Variants in USP49 observed in about 807,000 individuals in gnomAD.
USP49 encodes ubiquitin carboxyl-terminal hydrolase 49.
A neutral mutation model predicts 58.6 loss-of-function variants in USP49; 24 were observed. The observed-to-expected ratio is 0.41, with a 90% CI of 0.30 to 0.58. The LOEUF (loss-of-function observed/expected upper bound fraction) is 0.58. USP49 is among the 20% of genes least tolerant of loss of function. The pLI, the probability that USP49 is intolerant of heterozygous loss-of-function variation, is 0.30. For missense variants in USP49, 703 were observed against 866.1 expected (o/e 0.81, Z 2.36); for synonymous variants, 408 against 365.1 (o/e 1.12, Z -1.34).
At chr6:41,865,012 TC>T (rs1774285425) in intron 3 of USP49, among the ~76,000 whole-genome samples, 1 of 152,126 alleles carries the variant, frequency 6.6e-6, no homozygotes, top group Non-Finnish European at 1.5e-5. Context: ...AAATTTAACA[TC>T]CTTTGGTATC....
chr6:41,861,919 T>G (rs1774230555), intron 3 of USP49, among the ~76,000 whole-genome samples: 1 of 152,242 alleles, frequency 6.6e-6, no homozygotes, highest in African/African-American at 2.4e-5. Flanking sequence ...CAGACTGGTC[T>G]CGAACTCCTG....
At chr6:41,834,204 A>C (rs1246465892) in intron 3 of USP49, among the ~76,000 whole-genome samples, 1 of 152,198 alleles carries the variant, frequency 6.6e-6, no homozygotes. Context: ...GTTAATAACT[A>C]CCAATTCCAT....
intron 3 of USP49, among the ~76,000 whole-genome samples, chr6:41,847,477 A>G (rs970668641): frequency 4.9e-4 from 75 of 152,136 alleles, no homozygotes; most frequent in Non-Finnish European, 1.3e-4. Flanking sequence ...GCACTTTAGG[A>G]GGCCGAGGCA....
chr6:41,844,008 C>A (rs1054044663), intron 3 of USP49, among the ~76,000 whole-genome samples: 1 of 152,220 alleles, frequency 6.6e-6, no homozygotes, highest in South Asian at 2.1e-4. Context: ...TGCACCATTG[C>A]CCTCCAGCCT....
intron 3 of USP49, among the ~76,000 whole-genome samples, chr6:41,866,800 G>A (rs1349365928): frequency 6.6e-6 from 1 of 152,176 alleles, no homozygotes. Context: ...GAGAACGAGG[G>A]TAGAAATTCT....
At chr6:41,892,709 T>C (rs917061801) in intron 1 of USP49, among the ~76,000 whole-genome samples, 1 of 152,152 alleles carries the variant, frequency 6.6e-6, no homozygotes, top group Non-Finnish European at 1.5e-5. Flanking sequence ...TTGTTATTTA[T>C]ACAAACACCA....
rs767972466 is a variant in USP49, at chr6:41,803,975, G to T, written c.1392C>A (p.Thr464=). 2 of 1,613,960 alleles carry T rather than the reference G, an allele frequency of 1.2e-6. No individual in the cohort carries two copies. The highest frequency in any genetic ancestry group is 1.7e-6 in the Non-Finnish European group (2 of 1,180,038). Residue 464 remains threonine (T), a synonymous_variant, in exon 5 of 8, where the codon ACC becomes ACA. Transcript: ENST00000682992. This position sits in a 1 kb window ranked among gnomAD's most constrained non-coding sequence, Gnocchi z 4.1. ...GGGATAGGTCCCAAAAGGGCTCAATGGTATTGGATTTGTAATTGCATGATA... is the reference window on the plus strand; with the variant it reads ...GGGATAGGTCCCAAAAGGGCTCAATTGTATTGGATTTGTAATTGCATGATA... ...TCISCNYKSN[T]IEPFWDLSLE...
rs536182767 is a variant in USP49, at chr6:41,812,322, G to A, written c.-28-5311C>T. On this transcript the variant is annotated intron_variant, in intron 3 of 7. Transcript: ENST00000682992. ...TTGAACTCCCGACCTCAGGTGATCC[G>A]CCTACCTCGGCCTCCCAAAGTGCTG... Among the ~76,000 whole-genome samples the A allele has an allele frequency of 2.4e-3, 360 of 151,220 alleles. 4 individuals carry two copies. Among genetic ancestry groups the A allele is most frequent in the Non-Finnish European group, 2.0e-3 (137 of 67,750 alleles).
intron 3 of USP49, among the ~76,000 whole-genome samples, chr6:41,817,964 A>G (rs1478196623): frequency 6.6e-6 from 1 of 152,162 alleles, no homozygotes; most frequent in Non-Finnish European, 1.5e-5. Flanking sequence ...ACATAATAAT[A>G]TCTGCTTTAT....
intron 3 of USP49, among the ~76,000 whole-genome samples, chr6:41,860,169 T>A (rs898542370): frequency 6.6e-6 from 1 of 152,162 alleles, no homozygotes; most frequent in Non-Finnish European, 1.5e-5. Context: ...GTATTCAGAC[T>A]GAGGGGAACT....
At chr6:41,864,398 A>G (rs986436679) in intron 3 of USP49, among the ~76,000 whole-genome samples, 3 of 151,822 alleles carry the variant, frequency 2.0e-5, no homozygotes, top group African/African-American at 7.3e-5. Context: ...CCCTGTCTCT[A>G]CTAAAAAAAC....
chr6:41,853,225 T>G lies in USP49; in HGVS notation c.-29+18339A>C, dbSNP rs139035291. 8.2e-3 allele frequency among the ~76,000 whole-genome samples: 1,243 copies of G among 152,248 alleles called. 13 individuals are homozygous for G. Among genetic ancestry groups the G allele is most frequent in the Non-Finnish European group, 0.012 (819 of 68,006 alleles). On this transcript the variant is annotated intron_variant, in intron 3 of 7. Transcript: ENST00000682992. The stretch of plus-strand genomic sequence containing the variant: ...TGGGGGGGAGAATTTTGACACATGC[T>G]ACAACATAAATGAGCCTTGTGGACT...
Position 41,806,569 on chromosome 6 carries a change from TCTGCGG to T in USP49, c.409_414del (p.Pro137_Gln138del), listed in dbSNP as rs1773137497. The T allele has an allele frequency of 1.9e-6, 3 of 1,603,580 alleles. No individual in the cohort carries two copies. The highest frequency in any genetic ancestry group is 2.2e-5 in the South Asian group (2 of 90,882). On this transcript the variant is annotated inframe_deletion, in exon 4 of 8. Coordinates refer to ENST00000682992, the MANE Select transcript of USP49 (RefSeq NM_001286554.2). The surrounding 1 kb of genome is among the most constrained non-coding windows in gnomAD (Gnocchi z 5.9). The stretch of plus-strand genomic sequence containing the variant: ...CGCCGGTACCACAGAGCCGTGAGCA[TCTGCGG>T]CTGTCCCTGAGGAGCGCGCTGCGGC...
At chr6:41,879,784 C>G (rs1358048173) in intron 2 of USP49, among the ~76,000 whole-genome samples, 1 of 152,210 alleles carries the variant, frequency 6.6e-6, no homozygotes, top group East Asian at 1.9e-4. Context: ...TTTGTAAGCC[C>G]TAAGCAGATA....
chr6:41,815,412 C>T (rs2127330015), intron 3 of USP49, among the ~76,000 whole-genome samples: 1 of 150,270 alleles, frequency 6.7e-6, no homozygotes, highest in African/African-American at 2.4e-5. Context: ...CAGAGTGAGA[C>T]TCCGTCTCAA....
Position 41,802,428 on chromosome 6 carries a change from TTTTATTTATTTATTTA to T in USP49, c.1561+1362_1561+1377del, listed in dbSNP as rs1554142793. Among the ~76,000 whole-genome samples the T allele has an allele frequency of 8.5e-5, 9 of 106,432 alleles. 1 individual carries two copies. Among genetic ancestry groups the T allele is most frequent in the African/African-American group, 3.1e-4 (9 of 28,692 alleles). 69.8% of individuals were successfully genotyped at this position (106,432 alleles called of 152,430 possible). The stretch of plus-strand genomic sequence containing the variant: ...TTATTTTTTATTTTATTTTATTTTA[TTTTATTTATTTATTTA>T]TTTATTTATTTATTTATTTATTTAT... On this transcript the variant is annotated intron_variant, in intron 5 of 7. Coordinates refer to ENST00000682992, the MANE Select transcript of USP49 (RefSeq NM_001286554.2).
intron 3 of USP49, among the ~76,000 whole-genome samples, chr6:41,864,239 G>A (rs1348166317): frequency 1.3e-5 from 2 of 152,078 alleles, no homozygotes; most frequent in East Asian, 1.9e-4. Flanking sequence ...ACAATAAAGG[G>A]GTTTTAAAAA....
chr6:41,832,278 C>CAA (rs1477546515), intron 3 of USP49, among the ~76,000 whole-genome samples: 1 of 152,208 alleles, frequency 6.6e-6, no homozygotes, highest in Non-Finnish European at 1.5e-5. Context: ...TGAACAGAGA[C>CAA]AATTATCTTC....
At chr6:41,814,456 G>A (rs1446044520) in intron 3 of USP49, among the ~76,000 whole-genome samples, 1 of 152,064 alleles carries the variant, frequency 6.6e-6, no homozygotes, top group South Asian at 2.1e-4. Flanking sequence ...CTCCATATGA[G>A]AGATGACAAC....
Sources: allele counts gnomAD v4.1 joint callset (sites outside exome capture counted in the v4.1 genomes callset), GRCh38; gene constraint gnomAD v4.1.1; non-coding constraint Gnocchi (gnomAD v3.1); transcripts MANE v1.5; gene names NCBI Gene and HGNC (gene_info 2026-07-23, HGNC 2026-07-21).